The following CFI variants were observed in gnomAD, a reference collection of about 807,000 sequenced individuals.
CFI encodes the protein complement factor I, also known as C3B/C4B inactivator.
A neutral mutation model predicts 78.8 loss-of-function variants in CFI; 66 were observed. The observed-to-expected ratio is 0.84, with a 90% CI of 0.69 to 1.03. The LOEUF (loss-of-function observed/expected upper bound fraction) is 1.03. Among genes scored for constraint, CFI ranks in the 50% least tolerant of loss-of-function variants. The pLI, the probability that CFI is intolerant of heterozygous loss-of-function variation, is 0.00. For missense variants in CFI, 706 were observed against 704.5 expected (o/e 1.00, Z -0.02); for synonymous variants, 250 against 232.6 (o/e 1.07, Z -0.68).
intron 7 of CFI, among the ~76,000 whole-genome samples, chr4:109,752,917 TAATATATATTTATTATATA>T (rs1725321448): frequency 7.9e-6 from 1 of 126,974 alleles, no homozygotes; most frequent in Non-Finnish European, 1.6e-5. Context: ...TAAATATTTA[TAATATATATTTATTATATA>T]AATAAATATT....
At chr4:109,759,220 G>T (rs940973162) in intron 6 of CFI, among the ~76,000 whole-genome samples, 6 of 148,100 alleles carry the variant, frequency 4.1e-5, no homozygotes, top group Admixed American at 6.8e-5. Context: ...ATCTAGAATA[G>T]ACGTATACTA....
rs760331106 is a variant in CFI at position 109,740,800 on chromosome 4, T to A, written c.*93A>T. 1.5e-5 allele frequency: 18 copies of A among 1,187,010 alleles called. No homozygotes were observed. The highest frequency in any genetic ancestry group is 1.4e-4 in the Admixed American group (8 of 55,742). The allele number at this position is 1,187,010 out of a possible 1,614,324, so 73.5% of individuals were successfully genotyped here. On this transcript the variant is annotated 3_prime_UTR_variant, in exon 13 of 13. Transcript: ENST00000394634. ...TATCCAGTGAGATTTGCTTCATTTT[T>A]CCCCCCTAGAGAATTATTAATTATA...
intron 1 of CFI, among the ~76,000 whole-genome samples, chr4:109,795,904 G>C (rs900300401): frequency 2.0e-5 from 3 of 152,102 alleles, no homozygotes; most frequent in Admixed American, 6.5e-5. Context: ...TACAGAAGGA[G>C]AAGAGAAAGG....
intron 1 of CFI, among the ~76,000 whole-genome samples, chr4:109,769,375 A>G (rs982855040): frequency 6.6e-6 from 1 of 152,204 alleles, no homozygotes; most frequent in Non-Finnish European, 1.5e-5. Context: ...TTCATGTCAG[A>G]TGAAAGCCTC....
chr4:109,774,040 T>C (rs188832123), intron 1 of CFI, among the ~76,000 whole-genome samples: 31 of 152,360 alleles, frequency 2.0e-4, no homozygotes, highest in African/African-American at 7.5e-4. Context: ...AGAAATTTTA[T>C]TGATTTATAT....
At chr4:109,771,574 C>T (rs1158824211) in intron 1 of CFI, among the ~76,000 whole-genome samples, 7 of 150,606 alleles carry the variant, frequency 4.6e-5, no homozygotes, top group Middle Eastern at 3.4e-3. Flanking sequence ...ATTAGCCGGG[C>T]GTAGTGGTGT....
intron 1 of CFI, among the ~76,000 whole-genome samples, chr4:109,788,737 A>G (rs1264984170): frequency 6.6e-6 from 1 of 152,118 alleles, no homozygotes; most frequent in African/African-American, 2.4e-5. Context: ...ACATTTTTAA[A>G]TGGAAATTCA....
At chr4:109,761,891 A>G in intron 3 of CFI, 199 bp from the exon 4 acceptor site, 1 of 557,802 alleles carries the variant, frequency 1.8e-6, no homozygotes, top group Non-Finnish European at 3.2e-6. Flanking sequence ...GGGTTTTGTA[A>G]AGATTAACTA....
chr4:109,787,708 G>T (rs1329158928), intron 1 of CFI, among the ~76,000 whole-genome samples: 2 of 151,724 alleles, frequency 1.3e-5, no homozygotes, highest in African/African-American at 4.8e-5. Flanking sequence ...GGCTTCTTGT[G>T]TGCTAATTTT....
chr4:109,776,943 G>A (rs1452304285), intron 1 of CFI, among the ~76,000 whole-genome samples: 1 of 152,174 alleles, frequency 6.6e-6, no homozygotes, highest in Non-Finnish European at 1.5e-5. Flanking sequence ...GTCACCATCA[G>A]GCCTGCCTTA....
At chr4:109,790,354 C>T (rs1579308119) in intron 1 of CFI, among the ~76,000 whole-genome samples, 3 of 152,068 alleles carry the variant, frequency 2.0e-5, no homozygotes, top group East Asian at 3.9e-4. Flanking sequence ...GTTTAGTTTG[C>T]TCTTCCTTTT....
chr4:109,765,290 T>A (rs978215958), intron 2 of CFI, among the ~76,000 whole-genome samples: 1 of 152,186 alleles, frequency 6.6e-6, no homozygotes, highest in Non-Finnish European at 1.5e-5. Context: ...TGAGCTGATA[T>A]ATGTCATGGT....
intron 7 of CFI, among the ~76,000 whole-genome samples, chr4:109,756,929 GAAA>G (rs1726312060): frequency 6.9e-6 from 1 of 144,240 alleles, no homozygotes; most frequent in Non-Finnish European, 1.5e-5. Context: ...AAGAAAGAAA[GAAA>G]GAAAGAAAGA....
intron 1 of CFI, among the ~76,000 whole-genome samples, chr4:109,786,281 T>C (rs1388837221): frequency 1.3e-5 from 2 of 152,114 alleles, no homozygotes; most frequent in African/African-American, 4.8e-5. Flanking sequence ...TCCACTCGCC[T>C]CAGCCTCCCA....
chr4:109,760,122 AACATTC>A, intron 6 of CFI, 142 bp downstream of exon 6: 1 of 709,974 alleles, frequency 1.4e-6, no homozygotes, highest in East Asian at 2.7e-5. Flanking sequence ...TGAGGAGATG[AACATTC>A]CATAGTTCTG....
chr4:109,731,080 C>A, the CFI span, among the ~76,000 whole-genome samples: 4 of 152,122 alleles, frequency 2.6e-5, no homozygotes, highest in Non-Finnish European at 5.9e-5. Context: ...AGACCAAGCG[C>A]GGTGGTTTAC....
intron 1 of CFI, among the ~76,000 whole-genome samples, chr4:109,779,522 G>T (rs1008004443): frequency 6.6e-6 from 1 of 152,100 alleles, no homozygotes; most frequent in African/African-American, 2.4e-5. Flanking sequence ...TGCTCATGGA[G>T]AGGAAGAATC....
In CFI at chr4:109,746,070, C is replaced by A. The variant is rs1036333312; in HGVS notation, c.1429+152G>T. 3 of 912,052 alleles carry A rather than the reference C, an allele frequency of 3.3e-6. No homozygotes were observed. In the African/African-American group the frequency reaches 5.0e-5, roughly 15 times the overall value. The allele number at this position is 912,052 out of a possible 1,614,324, so 56.5% of individuals were successfully genotyped here. A position where few individuals can be genotyped will look rare whatever the true frequency, so the allele number is the denominator to read the frequency against. On this transcript the variant is annotated intron_variant, in intron 11 of 12. Transcript: ENST00000394634. ...GGGTGCTGGGCAGCTGCACATGCTGCAAACCCATGAAGCCAGCCATGGCTG... is the reference window on the plus strand; with the variant it reads ...GGGTGCTGGGCAGCTGCACATGCTGAAAACCCATGAAGCCAGCCATGGCTG...
At chr4:109,767,534 C>T (rs1727934571) in intron 1 of CFI, among the ~76,000 whole-genome samples, 1 of 151,484 alleles carries the variant, frequency 6.6e-6, no homozygotes. Context: ...TGAAAAAATG[C>T]TCATCATCAC....
Sources: allele counts gnomAD v4.1 joint callset (sites outside exome capture counted in the v4.1 genomes callset), GRCh38; gene constraint gnomAD v4.1.1; transcripts MANE v1.5; gene names NCBI Gene and HGNC (gene_info 2026-07-23, HGNC 2026-07-21).